The following UGT1A6 variants were observed in gnomAD, a reference collection of about 807,000 sequenced individuals.
UGT1A6 encodes UDP-glucuronosyltransferase 1A6.
UGT1A6 carries 32 observed loss-of-function variants against 44.4 expected under a neutral mutation model. The observed-to-expected ratio is 0.72, with a 90% confidence interval of 0.54 to 0.97. UGT1A6 has a LOEUF of 0.97. UGT1A6 is among the 50% of genes least tolerant of loss of function. UGT1A6 has a pLI of 0.00. For synonymous variants in UGT1A6, 238 were observed against 248.5 expected (o/e 0.96, Z 0.40); for missense variants, 685 against 661.9 (o/e 1.03, Z -0.38).
chr2:233,741,913 G>T (rs539186110), intron 1 of UGT1A6: 3 of 151,962 alleles, frequency 2.0e-5, no homozygotes, highest in African/African-American at 4.9e-5. Flanking sequence ...GATGGAAAAG[G>T]TCTTCATTTG....
chr2:233,721,161 ATT>A lies in UGT1A6; in HGVS notation c.861+27300_861+27301del, dbSNP rs372396731. Reference sequence around the variant, plus strand: ...ATTATTGCAAAGGACACTAAACTTTATTTTTGTTTTTGATCAAACCACAAGAT... The same window carrying A: ...ATTATTGCAAAGGACACTAAACTTTATTTGTTTTTGATCAAACCACAAGAT... On this transcript the variant is annotated intron_variant, in intron 1 of 4. Coordinates refer to ENST00000305139, the MANE Select transcript of UGT1A6 (RefSeq NM_001072.4). Among the ~76,000 whole-genome samples the A allele has an allele frequency of 3.5e-4, 54 of 152,170 alleles. 1 individual carries two copies. In the East Asian group the frequency reaches 0.01, roughly 29 times the overall value.
At chr2:233,707,694 T>C (rs28899183) in intron 1 of UGT1A6, among the ~76,000 whole-genome samples, 3,269 of 152,332 alleles carry the variant, frequency 0.021, 116 homozygotes, top group African/African-American at 0.073. Context: ...CTTTGGGTTG[T>C]ATCTAGCTTT....
intron 1 of UGT1A6, among the ~76,000 whole-genome samples, chr2:233,735,528 T>A (rs1193840651): frequency 1.3e-5 from 2 of 152,238 alleles, no homozygotes; most frequent in African/African-American, 4.8e-5. Flanking sequence ...TAAATATTGT[T>A]ATGAGTGAAT....
At chr2:233,723,516 C>CTTTTTTTTTTTTTTTTTTTTTATTTTT (rs1162916866) in intron 1 of UGT1A6, among the ~76,000 whole-genome samples, 1 of 85,406 alleles carries the variant, frequency 1.2e-5, no homozygotes, top group Non-Finnish European at 2.3e-5. Flanking sequence ...GGTCAACAAT[C>CTTTTTTTTTTTTTTTTTTTTTATTTTT]TTTTTTTTTT....
chr2:233,746,436 G>C (rs1200457799), intron 1 of UGT1A6, among the ~76,000 whole-genome samples: 1 of 151,690 alleles, frequency 6.6e-6, no homozygotes, highest in Non-Finnish European at 1.5e-5. Context: ...TATGTCTTCA[G>C]CTTAAAAAGA....
At position 233,724,416 on chromosome 2, in the gene UGT1A6, G is replaced by A. The variant is rs1457197643; in HGVS notation, c.861+30551G>A. 2.3e-4 allele frequency among the ~76,000 whole-genome samples: 32 copies of A among 137,862 alleles called. 2 individuals are homozygous for A. The highest frequency in any genetic ancestry group is 1.2e-3 in the East Asian group (5 of 4,238). 90.4% of individuals were successfully genotyped at this position (137,862 alleles called of 152,430 possible). A position where few individuals can be genotyped will look rare whatever the true frequency, so the allele number is the denominator to read the frequency against. ...TCACTTCCCAGATGGGGTGGCTGCC[G>A]GGCGGAGAGGCTCCTCACTTCTCAG... On this transcript the variant is annotated intron_variant, in intron 1 of 4. Coordinates refer to ENST00000305139, the MANE Select transcript of UGT1A6 (RefSeq NM_001072.4).
In UGT1A6 at chr2:233,767,076, G is replaced by A. The variant is rs770930440; in HGVS notation, c.904G>A (p.Val302Met). The A allele has an allele frequency of 8.1e-6, 13 of 1,614,020 alleles. No individual in the cohort carries two copies. The highest frequency in any genetic ancestry group is 1.6e-4 in the Middle Eastern group (1 of 6,082). ...TAATGCTTCTGGAGAACATGGAATT[G>A]TGGTTTTCTCTTTGGGATCAATGGT... is the stretch of plus-strand genomic sequence containing the variant. ...YINASGEHGI[V>M]VFSLGSMVSE... is the part of the protein sequence containing the mutation. The change falls in exon 2 of 5, where the codon GTG becomes ATG. Residue 302 changes from valine (V) to methionine (M), a missense_variant. Val to Met is a conservative substitution (Grantham distance 21). Coordinates refer to ENST00000305139, the MANE Select transcript of UGT1A6 (RefSeq NM_001072.4).
At chr2:233,709,031 A>G (rs1166379851) in intron 1 of UGT1A6, among the ~76,000 whole-genome samples, 3 of 152,146 alleles carry the variant, frequency 2.0e-5, no homozygotes, top group Non-Finnish European at 4.4e-5. Context: ...CAGGGGCTTC[A>G]GCCTGAGTTC....
At chr2:233,751,090 G>C (rs1035981747) in intron 1 of UGT1A6, among the ~76,000 whole-genome samples, 2 of 151,962 alleles carry the variant, frequency 1.3e-5, no homozygotes, top group African/African-American at 2.4e-5. Context: ...GCAGCCAGGA[G>C]GAGGGCTTTG....
At chr2:233,713,488 C>A (rs758374226) in intron 1 of UGT1A6, 1 of 1,613,950 alleles carries the variant, frequency 6.2e-7, no homozygotes, top group Non-Finnish European at 8.5e-7. Context: ...AAGTACCTGT[C>A]GATTCCTGCT....
At chr2:233,729,062 G>C in intron 1 of UGT1A6, 3 of 1,610,966 alleles carry the variant, frequency 1.9e-6, no homozygotes, top group South Asian at 2.2e-5. Context: ...TAATTAAGAT[G>C]AAGAAAGCAA....
intron 1 of UGT1A6, chr2:233,750,580 C>T (rs1288266277): frequency 6.6e-6 from 1 of 151,936 alleles, no homozygotes; most frequent in African/African-American, 2.4e-5. Flanking sequence ...CCATCACAGG[C>T]CTGGAGGCCT....
Position 233,729,835 on chromosome 2 carries a change from G to A in UGT1A6, c.861+35970G>A, listed in dbSNP as rs530955113. On this transcript the variant is annotated intron_variant, in intron 1 of 4. Coordinates refer to ENST00000305139, the MANE Select transcript of UGT1A6 (RefSeq NM_001072.4). Reference sequence around the variant, plus strand: ...TGCTCCTTATGCAAGCCTTGCCTCTGAGCTTTTTCAGAGAGAGGTGTCAGT... The same window carrying A: ...TGCTCCTTATGCAAGCCTTGCCTCTAAGCTTTTTCAGAGAGAGGTGTCAGT... 4.0e-5 allele frequency: 65 copies of A among 1,613,870 alleles called. 1 individual carries two copies. In the South Asian group the frequency reaches 7.0e-4, roughly 17 times the overall value.
chr2:233,724,135 A>G (rs1575550109), intron 1 of UGT1A6, among the ~76,000 whole-genome samples: 4 of 118,266 alleles, frequency 3.4e-5, no homozygotes, highest in Non-Finnish European at 5.1e-5. Context: ...CACCTCCCGG[A>G]CGGGGCGGCT....
At chr2:233,743,605 G>C in intron 1 of UGT1A6, 5 of 1,367,304 alleles carry the variant, frequency 3.7e-6, no homozygotes, top group Non-Finnish European at 4.9e-6. Flanking sequence ...CCTGGCCGCC[G>C]AAGAACTCCC....
chr2:233,747,103 T>A, intron 1 of UGT1A6: 1 of 1,362,910 alleles, frequency 7.3e-7, no homozygotes, highest in Non-Finnish European at 1.0e-6. Flanking sequence ...TATCTTCCAA[T>A]TACATGATGA....
intron 4 of UGT1A6, chr2:233,770,806 G>A (rs1700161628): frequency 6.6e-6 from 1 of 152,116 alleles, no homozygotes; most frequent in Admixed American, 6.5e-5. Context: ...TTTAAAGACA[G>A]TGTATTAGGC....
intron 1 of UGT1A6, among the ~76,000 whole-genome samples, chr2:233,753,821 G>A (rs1406442938): frequency 6.6e-6 from 1 of 152,104 alleles, no homozygotes; most frequent in African/African-American, 2.4e-5. Flanking sequence ...ACCACGTTAG[G>A]GCTGAAGACA....
At chr2:233,757,562 G>A (rs1976390) in intron 1 of UGT1A6, among the ~76,000 whole-genome samples, 12,378 of 80,798 alleles carry the variant, frequency 0.15, 1,302 homozygotes, top group African/African-American at 0.2. Context: ...ATATATATAT[G>A]TATATATGAT....
Sources: allele counts gnomAD v4.1 joint callset (sites outside exome capture counted in the v4.1 genomes callset), GRCh38; gene constraint gnomAD v4.1.1; transcripts MANE v1.5; gene names NCBI Gene and HGNC (gene_info 2026-07-23, HGNC 2026-07-21).